CREB5: variants seen among roughly 807,000 people sequenced by gnomAD.
CREB5 encodes cAMP responsive element binding protein 5.
Under a neutral mutation model 57.1 loss-of-function variants are expected in CREB5, and 19 were observed. The ratio of observed to expected loss-of-function variants is 0.33; its 90% CI spans 0.23 to 0.49. CREB5 has a LOEUF of 0.49. Among genes scored for constraint, CREB5 ranks in the 20% least tolerant of loss-of-function variants. CREB5 has a pLI of 0.99. For missense variants in CREB5, 579 were observed against 671.6 expected (o/e 0.86, Z 1.52); for synonymous variants, 238 against 238.3 (o/e 1.00, Z 0.01).
intron 4 of CREB5, among the ~76,000 whole-genome samples, chr7:28,556,863 C>T (rs1794901632): frequency 6.6e-6 from 1 of 152,216 alleles, no homozygotes; most frequent in Non-Finnish European, 1.5e-5. Flanking sequence ...ATTCTCCTAG[C>T]TCCTTCAGTT....
chr7:28,483,340 G>C (rs546003359), intron 1 of CREB5, among the ~76,000 whole-genome samples: 1 of 152,282 alleles, frequency 6.6e-6, no homozygotes, highest in East Asian at 1.9e-4. Context: ...TGCTCATTGC[G>C]AGGCCAGAGG....
intron 1 of CREB5, among the ~76,000 whole-genome samples, chr7:28,308,466 A>G (rs550503286): frequency 6.6e-6 from 1 of 152,208 alleles, no homozygotes; most frequent in Non-Finnish European, 1.5e-5. Flanking sequence ...TGATTTAGGT[A>G]TTACTAGTAG....
intron 4 of CREB5, among the ~76,000 whole-genome samples, chr7:28,568,067 G>C (rs1237503123): frequency 6.6e-6 from 1 of 152,126 alleles, no homozygotes; most frequent in Non-Finnish European, 1.5e-5. Context: ...GTCTAGACAA[G>C]GATAGAAGAT....
chr7:28,322,331 G>C (rs1562656146), intron 1 of CREB5, among the ~76,000 whole-genome samples: 1 of 152,086 alleles, frequency 6.6e-6, no homozygotes, highest in Non-Finnish European at 1.5e-5. Context: ...AATCATCTTA[G>C]ACTTTGGAAG....
At chr7:28,308,024 G>A (rs1265105644) in intron 1 of CREB5, among the ~76,000 whole-genome samples, 1 of 152,144 alleles carries the variant, frequency 6.6e-6, no homozygotes, top group African/African-American at 2.4e-5. Context: ...GATAATTCAG[G>A]GAACATGGAG....
intron 1 of CREB5, among the ~76,000 whole-genome samples, chr7:28,466,517 T>A (rs991552751): frequency 2.6e-5 from 4 of 152,194 alleles, no homozygotes; most frequent in Non-Finnish European, 4.4e-5. Flanking sequence ...AGGGTTGTGG[T>A]GAGGACTAAG....
chr7:28,528,869 A>G (rs1793586537), intron 4 of CREB5, among the ~76,000 whole-genome samples: 1 of 151,954 alleles, frequency 6.6e-6, no homozygotes. Context: ...TACTCTGAAC[A>G]TTATCTCAGA....
intron 1 of CREB5, among the ~76,000 whole-genome samples, chr7:28,396,380 G>C (rs149665321): frequency 0.034 from 5,182 of 152,152 alleles, 144 homozygotes; most frequent in Non-Finnish European, 0.053. Flanking sequence ...TTCATTTTAG[G>C]TGGTATTTTT....
At chr7:28,624,889 C>T (rs1027080488) in intron 5 of CREB5, among the ~76,000 whole-genome samples, 5 of 152,052 alleles carry the variant, frequency 3.3e-5, no homozygotes, top group African/African-American at 1.2e-4. Flanking sequence ...TAGGTTCATG[C>T]CCAGTTTCCT....
chr7:28,720,555 C>A (rs190543408), intron 6 of CREB5, among the ~76,000 whole-genome samples: 1 of 152,150 alleles, frequency 6.6e-6, no homozygotes, highest in Non-Finnish European at 1.5e-5. Context: ...GGCAGGGGAA[C>A]GGCGAAGGGC....
At chr7:28,514,348 T>A (rs1224660105) in intron 4 of CREB5, among the ~76,000 whole-genome samples, 1 of 152,082 alleles carries the variant, frequency 6.6e-6, no homozygotes, top group Non-Finnish European at 1.5e-5. Flanking sequence ...GTTCTCTGAG[T>A]TCAGTATTAA....
chr7:28,394,231 A>G (rs758964178), intron 1 of CREB5, among the ~76,000 whole-genome samples: 5 of 152,068 alleles, frequency 3.3e-5, no homozygotes, highest in Non-Finnish European at 7.4e-5. Context: ...AAAATATTCC[A>G]TTAAATACAG....
chr7:28,593,764 T>C (rs1490575736), intron 5 of CREB5, among the ~76,000 whole-genome samples: 1 of 152,190 alleles, frequency 6.6e-6, no homozygotes, highest in Non-Finnish European at 1.5e-5. Flanking sequence ...AGGTGATAAC[T>C]AACTGCCTGC....
chr7:28,496,978 A>G (rs984459532), intron 3 of CREB5, among the ~76,000 whole-genome samples: 5 of 152,210 alleles, frequency 3.3e-5, no homozygotes, highest in African/African-American at 7.2e-5. Context: ...GTATAACTTA[A>G]TGGTTCATCA....
At chr7:28,778,467 A>T (rs1583722769) in intron 7 of CREB5, among the ~76,000 whole-genome samples, 2 of 152,304 alleles carry the variant, frequency 1.3e-5, no homozygotes, top group South Asian at 4.1e-4. Context: ...TAAATCTGTG[A>T]TTCTTGATCA....
intron 5 of CREB5, chr7:28,686,315 C>T: frequency 1.4e-6 from 1 of 713,744 alleles, no homozygotes; most frequent in Non-Finnish European, 2.4e-6. Flanking sequence ...TCCCCCTTCT[C>T]CCTTTCTGCC....
chr7:28,491,496 G>A (rs1023869402), intron 2 of CREB5, among the ~76,000 whole-genome samples: 6 of 152,158 alleles, frequency 3.9e-5, no homozygotes, highest in African/African-American at 1.2e-4. Context: ...AGGCTGAATG[G>A]ACTGAGGAAA....
At chr7:28,316,538 C>A (rs949474113) in intron 1 of CREB5, among the ~76,000 whole-genome samples, 3 of 151,666 alleles carry the variant, frequency 2.0e-5, no homozygotes, top group African/African-American at 7.3e-5. Flanking sequence ...GTGAATGCTG[C>A]AGAAATGCAC....
chr7:28,620,350 G>A (rs1159472689), intron 5 of CREB5, among the ~76,000 whole-genome samples: 3 of 152,110 alleles, frequency 2.0e-5, no homozygotes, highest in Non-Finnish European at 1.5e-5. Context: ...TTTGGAAGAG[G>A]GGGGTGCCAC....
Sources: allele counts gnomAD v4.1 joint callset (sites outside exome capture counted in the v4.1 genomes callset), GRCh38; gene constraint gnomAD v4.1.1; transcripts MANE v1.5; gene names NCBI Gene and HGNC (gene_info 2026-07-23, HGNC 2026-07-21).